BRIP1: variants seen among roughly 807,000 people sequenced by gnomAD.
BRIP1 encodes Fanconi anemia group J protein.
BRIP1 carries 88 observed loss-of-function variants against 119.7 expected under a neutral mutation model. The observed-to-expected ratio is 0.74, with a 90% CI of 0.62 to 0.88. The LOEUF is 0.88. Among genes scored for constraint, BRIP1 ranks in the 40% least tolerant of loss-of-function variants. The pLI is 0.00. For missense variants in BRIP1, 1,259 were observed against 1,455.4 expected (o/e 0.87, Z 2.20); for synonymous variants, 443 against 496.5 (o/e 0.89, Z 1.43).
chr17:61,813,278 T>G (rs1000658122), intron 6 of BRIP1, among the ~76,000 whole-genome samples: 1 of 151,448 alleles, frequency 6.6e-6, no homozygotes, highest in African/African-American at 2.4e-5. Context: ...ATACAAAAAC[T>G]TGTGTTCTTC....
rs1246117189 is a variant in BRIP1 at position 61,682,610 on chromosome 17, T to C, written c.*686A>G. Reference sequence around the variant, plus strand: ...CAAATGGTGATCTCTGAAAAAGTCTTGGACTGATTTGAGGTAAAATCTATA... The same window carrying C: ...CAAATGGTGATCTCTGAAAAAGTCTCGGACTGATTTGAGGTAAAATCTATA... On this transcript the variant is annotated 3_prime_UTR_variant, in exon 20 of 20. Transcript: ENST00000259008. This position sits in a 1 kb window ranked among gnomAD's most constrained non-coding sequence, Gnocchi z 4.9. 1 of 196,686 alleles carries C rather than the reference T, an allele frequency of 5.1e-6. No homozygotes were observed. The highest frequency in any genetic ancestry group is 2.3e-5 in the African/African-American group (1 of 43,356). 12.2% of individuals were successfully genotyped at this position (196,686 alleles called of 1,614,324 possible).
intron 6 of BRIP1, among the ~76,000 whole-genome samples, chr17:61,830,083 C>T (rs1469563094): frequency 2.0e-5 from 3 of 151,972 alleles, no homozygotes; most frequent in Non-Finnish European, 2.9e-5. Context: ...CAGGCGCCCA[C>T]CACCATGCCT....
chr17:61,748,757 TATCC>T lies in BRIP1; in HGVS notation c.2098-4170_2098-4167del, dbSNP rs760626029. Among the ~76,000 whole-genome samples the T allele has an allele frequency of 3.3e-5, 5 of 152,132 alleles. No homozygotes were observed. The highest frequency in any genetic ancestry group is 7.4e-5 in the Non-Finnish European group (5 of 68,020). On this transcript the variant is annotated intron_variant, in intron 14 of 19. Coordinates refer to ENST00000259008, the MANE Select transcript of BRIP1 (RefSeq NM_032043.3). This position sits in a 1 kb window ranked among gnomAD's most constrained non-coding sequence, Gnocchi z 4.7. ...TCAACAAATAGTTCAGGGCAAACAATATCCACATGCAAAAGAATAAAACTGGACC... is the reference window on the plus strand; with the variant it reads ...TCAACAAATAGTTCAGGGCAAACAATACATGCAAAAGAATAAAACTGGACC...
rs528667494 is a variant in BRIP1, at chr17:61,839,399, T to G, written c.627+7702A>C. ...ATCATTTTACCTATGTATTTTTGGG[T>G]TTTTTTTTCCCATAACCTTTCAGAA... On this transcript the variant is annotated intron_variant, in intron 6 of 19. Coordinates refer to ENST00000259008, the MANE Select transcript of BRIP1 (RefSeq NM_032043.3). Among the ~76,000 whole-genome samples the G allele has an allele frequency of 2.5e-4, 38 of 151,224 alleles. 1 individual carries two copies. The highest frequency in any genetic ancestry group is 3.9e-4 in the East Asian group (2 of 5,168).
chr17:61,802,703 T>C lies in BRIP1; in HGVS notation c.919-1229A>G, dbSNP rs1240165160. 6.6e-6 allele frequency among the ~76,000 whole-genome samples: 1 copy of C among 152,240 alleles called. No homozygotes were observed. The highest frequency in any genetic ancestry group is 2.4e-5 in the African/African-American group (1 of 41,464). On this transcript the variant is annotated intron_variant, in intron 7 of 19. Transcript: ENST00000259008. The surrounding 1 kb of genome is among the most constrained non-coding windows in gnomAD (Gnocchi z 6.0). ...ACCAGTTTTCTTATTACTGGGCTTATAGACTGTTACCAATTTCTGCTTTAG... is the reference window on the plus strand; with the variant it reads ...ACCAGTTTTCTTATTACTGGGCTTACAGACTGTTACCAATTTCTGCTTTAG...
At chr17:61,858,169 A>G (rs2078924175) in intron 3 of BRIP1, among the ~76,000 whole-genome samples, 1 of 152,310 alleles carries the variant, frequency 6.6e-6, no homozygotes. Flanking sequence ...TACAATTCAT[A>G]TACCCCCAAA....
rs1391820468 is a variant in BRIP1 at position 61,802,950 on chromosome 17, T to C, written c.919-1476A>G. On this transcript the variant is annotated intron_variant, in intron 7 of 19. Transcript: ENST00000259008. The surrounding 1 kb of genome is among the most constrained non-coding windows in gnomAD (Gnocchi z 6.0). ...TCTTTTGTTATCTCTATCTTAAAAG[T>C]AAAAAATAGAATCTTGTTTTGATTT... Among the ~76,000 whole-genome samples the C allele has an allele frequency of 6.6e-5, 10 of 152,196 alleles. No homozygotes were observed. Among genetic ancestry groups the C allele is most frequent in the Admixed American group, 6.5e-4 (10 of 15,284 alleles).
At chr17:61,782,974 A>G (rs950177317) in intron 11 of BRIP1, among the ~76,000 whole-genome samples, 3 of 152,206 alleles carry the variant, frequency 2.0e-5, no homozygotes, top group Non-Finnish European at 4.4e-5. Context: ...TTGCTGTGAG[A>G]AACAGTATGG....
In BRIP1 at chr17:61,751,349, T is replaced by C. The variant is rs1442267135; in HGVS notation, c.2098-6758A>G. The stretch of plus-strand genomic sequence containing the variant: ...GAGGGAAGGGGCTAAACAGGAGTCA[T>C]TGTTCCATCAGTACAGTTTCTGACT... On this transcript the variant is annotated intron_variant, in intron 14 of 19. Coordinates refer to ENST00000259008, the MANE Select transcript of BRIP1 (RefSeq NM_032043.3). This position sits in a 1 kb window ranked among gnomAD's most constrained non-coding sequence, Gnocchi z 6.7. 6.6e-6 allele frequency among the ~76,000 whole-genome samples: 1 copy of C among 152,198 alleles called. No individual in the cohort carries two copies. The highest frequency in any genetic ancestry group is 1.5e-5 in the Non-Finnish European group (1 of 68,034).
Position 61,863,510 on chromosome 17 carries a change from C to T in BRIP1, c.-257G>A, listed in dbSNP as rs1477634035. 1 of 152,064 alleles carries T rather than the reference C, an allele frequency of 6.6e-6. No individual in the cohort carries two copies. Among genetic ancestry groups the T allele is most frequent in the Non-Finnish European group, 1.5e-5 (1 of 68,178 alleles). The allele number at this position is 152,064 out of a possible 1,614,324, so 9.4% of individuals were successfully genotyped here. On this transcript the variant is annotated 5_prime_UTR_variant, in exon 1 of 20. Coordinates refer to ENST00000259008, the MANE Select transcript of BRIP1 (RefSeq NM_032043.3). ...CCACCAGACCCCTCAACCACACAAC[C>T]CGAGACGAATTCCCGCCTCCCGCCC... is the stretch of plus-strand genomic sequence containing the variant.
At chr17:61,850,207 A>T (rs1437509170) in intron 4 of BRIP1, among the ~76,000 whole-genome samples, 1 of 151,160 alleles carries the variant, frequency 6.6e-6, no homozygotes, top group African/African-American at 2.4e-5. Context: ...GGTTCAAGCG[A>T]TTCTCCTGCC....
chr17:61,716,830 G>GCAAATAATAT (rs2061882819), intron 16 of BRIP1, among the ~76,000 whole-genome samples: 1 of 151,158 alleles, frequency 6.6e-6, no homozygotes, highest in African/African-American at 2.4e-5. Flanking sequence ...TTCCACTACT[G>GCAAATAATAT]GATTATTAGC....
In BRIP1 at chr17:61,794,544, G is replaced by A. The variant is rs376670721; in HGVS notation, c.1341-815C>T. 4.6e-5 allele frequency among the ~76,000 whole-genome samples: 7 copies of A among 152,024 alleles called. No individual in the cohort carries two copies. The East Asian group carries it at 7.7e-4, about 17-fold the overall frequency. ...ACTGGGGCCTATCGGATGGTGTAGC[G>A]TTGGAGACGGGAAAAGATCAGGAAA... On this transcript the variant is annotated intron_variant, in intron 9 of 19. Coordinates refer to ENST00000259008, the MANE Select transcript of BRIP1 (RefSeq NM_032043.3). This position sits in a 1 kb window ranked among gnomAD's most constrained non-coding sequence, Gnocchi z 4.3.
rs1415349259 is a variant in BRIP1 at position 61,742,928 on chromosome 17, C to T, written c.2379+85G>A. On this transcript the variant is annotated intron_variant, in intron 16 of 19. Transcript: ENST00000259008. This position sits in a 1 kb window ranked among gnomAD's most constrained non-coding sequence, Gnocchi z 4.7. The stretch of plus-strand genomic sequence containing the variant: ...AAAAAAGCACTATAAAAGCAAAGCG[C>T]AATAAAATGAGGGATCCCTGCAATT... 11 of 1,540,500 alleles carry T rather than the reference C, an allele frequency of 7.1e-6. No homozygotes were observed. The highest frequency in any genetic ancestry group is 4.1e-5 in the African/African-American group (3 of 73,154).
rs1290206162 is a variant in BRIP1, at chr17:61,822,080, CGT to C, written c.628-13325_628-13324del. 4.6e-5 allele frequency among the ~76,000 whole-genome samples: 7 copies of C among 152,082 alleles called. No homozygotes were observed. In the East Asian group the frequency reaches 1.3e-3, roughly 29 times the overall value. ...ATGACAGAAGACATAATAAAAACCTCGTGTGACTGGTTTTTGATGTGAAAAAT... is the reference window on the plus strand; with the variant it reads ...ATGACAGAAGACATAATAAAAACCTCGTGACTGGTTTTTGATGTGAAAAAT... On this transcript the variant is annotated intron_variant, in intron 6 of 19. Transcript: ENST00000259008. This position sits in a 1 kb window ranked among gnomAD's most constrained non-coding sequence, Gnocchi z 4.4.
At position 61,703,131 on chromosome 17, in the gene BRIP1, C is replaced by A. The variant is rs1404991230; in HGVS notation, c.2493-9619G>T. ...CCAGGCTGAAGTGCAGTGGCACAAT[C>A]CCAACTCACTGCAAACTCCACCTCC... is the stretch of plus-strand genomic sequence containing the variant. On this transcript the variant is annotated intron_variant, in intron 17 of 19. Transcript: ENST00000259008. The surrounding 1 kb of genome is among the most constrained non-coding windows in gnomAD (Gnocchi z 5.0). Among the ~76,000 whole-genome samples the A allele has an allele frequency of 6.6e-6, 1 of 152,138 alleles. No individual in the cohort carries two copies. The highest frequency in any genetic ancestry group is 2.4e-5 in the African/African-American group (1 of 41,450).
intron 10 of BRIP1, among the ~76,000 whole-genome samples, chr17:61,791,310 G>A (rs902464922): frequency 7.9e-5 from 12 of 151,626 alleles, no homozygotes; most frequent in Admixed American, 6.6e-4. Flanking sequence ...CCAACATGGT[G>A]AAACCCTGTC....
intron 6 of BRIP1, among the ~76,000 whole-genome samples, chr17:61,819,310 A>C (rs2078285729): frequency 6.6e-6 from 1 of 152,186 alleles, no homozygotes. Flanking sequence ...CACTATCGAG[A>C]ACAATTTGGA....
In BRIP1 at chr17:61,784,357, C is replaced by G. The variant is rs2145138549; in HGVS notation, c.1541G>C (p.Arg514Thr). 6.2e-7 allele frequency: 1 copy of G among 1,613,250 alleles called. No homozygotes were observed. Among genetic ancestry groups the G allele is most frequent in the Non-Finnish European group, 8.5e-7 (1 of 1,179,326 alleles). Residue 514 changes from arginine to threonine, a missense_variant, in exon 11 of 20, where the codon AGA becomes ACA. Transcript: ENST00000259008. Reference sequence around the variant, plus strand: ...TGATGCACTAATAACAGGTACTTCTCTTGCCTCCTCTTTACCATAAATTGG... The same window carrying G: ...TGATGCACTAATAACAGGTACTTCTGTTGCCTCCTCTTTACCATAAATTGG... Reference protein sequence around the residue: ...ISPIYGKEEAREVPVISASTQ... With the variant: ...ISPIYGKEEATEVPVISASTQ...
Sources: allele counts gnomAD v4.1 joint callset (sites outside exome capture counted in the v4.1 genomes callset), GRCh38; gene constraint gnomAD v4.1.1; non-coding constraint Gnocchi (gnomAD v3.1); transcripts MANE v1.5; gene names NCBI Gene and HGNC (gene_info 2026-07-23, HGNC 2026-07-21).